Variants in CDKAL1 observed in about 807,000 individuals in gnomAD.
The protein encoded by CDKAL1 is threonylcarbamoyladenosine tRNA methylthiotransferase.
Under a neutral mutation model 68.2 loss-of-function variants are expected in CDKAL1, and 32 were observed. The ratio of observed to expected loss-of-function variants is 0.47; its 90% CI spans 0.35 to 0.63. CDKAL1 has a LOEUF of 0.63. CDKAL1 is among the 30% of genes least tolerant of loss of function. CDKAL1 has a pLI of 0.00. For synonymous variants in CDKAL1, 234 were observed against 244.3 expected, an observed-to-expected ratio of 0.96 and a Z score of 0.39; for missense variants, 606 against 696.7, an observed-to-expected ratio of 0.87 and a Z score of 1.47.
At chr6:21,130,072 T>TG (rs769136166) in intron 13 of CDKAL1, among the ~76,000 whole-genome samples, 5 of 152,090 alleles carry the variant, frequency 3.3e-5, no homozygotes, top group African/African-American at 4.8e-5. Context: ...TTGTTGGTTT[T>TG]GGGGGGTTTT....
At chr6:21,131,880 A>G (rs1775338937) in intron 13 of CDKAL1, among the ~76,000 whole-genome samples, 1 of 152,186 alleles carries the variant, frequency 6.6e-6, no homozygotes. Flanking sequence ...CCACTTTGTG[A>G]TTCTTTAAAT....
At chr6:20,935,813 TC>T (rs1183450363) in intron 9 of CDKAL1, among the ~76,000 whole-genome samples, 1 of 152,066 alleles carries the variant, frequency 6.6e-6, no homozygotes, top group Middle Eastern at 3.2e-3. Context: ...CAAGCGATCC[TC>T]CCCCTTTGGC....
intron 13 of CDKAL1, among the ~76,000 whole-genome samples, chr6:21,133,612 T>C (rs1775436162): frequency 1.3e-5 from 2 of 152,254 alleles, no homozygotes; most frequent in South Asian, 4.1e-4. Flanking sequence ...TCTGATAGGC[T>C]GCATTAATCA....
intron 5 of CDKAL1, among the ~76,000 whole-genome samples, chr6:20,692,986 C>T (rs755077931): frequency 1.1e-4 from 17 of 151,774 alleles, no homozygotes; most frequent in African/African-American, 2.4e-4. Flanking sequence ...AAAAATTAGC[C>T]GGGCATGGTG....
At chr6:20,829,126 A>G (rs1777613366) in intron 8 of CDKAL1, among the ~76,000 whole-genome samples, 1 of 152,196 alleles carries the variant, frequency 6.6e-6, no homozygotes, top group South Asian at 2.1e-4. Context: ...TATTGAGAAT[A>G]ATGTTTGCTG....
intron 6 of CDKAL1, among the ~76,000 whole-genome samples, chr6:20,748,557 A>G (rs1347544608): frequency 6.3e-3 from 41 of 6,498 alleles, no homozygotes; most frequent in African/African-American, 0.015. Context: ...TGTTTCTGGA[A>G]AAAAAAAAAA....
At chr6:20,594,949 T>A (rs1437492310) in intron 4 of CDKAL1, among the ~76,000 whole-genome samples, 2 of 152,188 alleles carry the variant, frequency 1.3e-5, no homozygotes, top group African/African-American at 4.8e-5. Context: ...TGGCTGGATA[T>A]GAAATTCTGG....
intron 12 of CDKAL1, among the ~76,000 whole-genome samples, chr6:21,098,440 TG>T (rs1227104764): frequency 6.6e-6 from 1 of 151,458 alleles, no homozygotes; most frequent in East Asian, 1.9e-4. Context: ...ATTTAGAGCC[TG>T]GAGGGAAAAG....
At chr6:21,221,109 G>C (rs1175185659) in intron 15 of CDKAL1, among the ~76,000 whole-genome samples, 2 of 152,096 alleles carry the variant, frequency 1.3e-5, no homozygotes, top group Admixed American at 1.3e-4. Context: ...GGAGGTTGCA[G>C]TGAGCCAAGA....
At chr6:20,555,427 TCTC>T (rs1338995627) in intron 4 of CDKAL1, among the ~76,000 whole-genome samples, 2 of 151,896 alleles carry the variant, frequency 1.3e-5, no homozygotes, top group Non-Finnish European at 2.9e-5. Flanking sequence ...TTCAAGCAAT[TCTC>T]CTGCCTCAGC....
intron 5 of CDKAL1, among the ~76,000 whole-genome samples, chr6:20,737,123 C>T (rs9465874): frequency 0.3 from 45,032 of 152,068 alleles, 7,757 homozygotes; most frequent in Non-Finnish European, 0.4. Flanking sequence ...TTTGTTCATG[C>T]TCTAACAACT....
chr6:21,055,979 T>G (rs1030847499), intron 11 of CDKAL1, among the ~76,000 whole-genome samples: 8 of 152,090 alleles, frequency 5.3e-5, no homozygotes, highest in African/African-American at 1.7e-4. Context: ...CTAATTTACA[T>G]CCCCACCAAC....
intron 7 of CDKAL1, among the ~76,000 whole-genome samples, chr6:20,776,491 G>T (rs1775175641): frequency 6.6e-6 from 1 of 152,204 alleles, no homozygotes; most frequent in Non-Finnish European, 1.5e-5. Context: ...ACTTTTGGTT[G>T]TGAAAAGTTG....
At chr6:20,756,803 ATTTCCTTCCTTCCTTCCT>A (rs1262077349) in intron 6 of CDKAL1, 1 of 98,730 alleles carries the variant, frequency 1.0e-5, no homozygotes, top group Non-Finnish European at 2.2e-5. Context: ...GAGAATTACC[ATTTCCTTCCTTCCTTCCT>A]TCCTTCCTTC....
At chr6:21,168,835 A>G (rs970585787) in intron 13 of CDKAL1, among the ~76,000 whole-genome samples, 25 of 152,174 alleles carry the variant, frequency 1.6e-4, no homozygotes. Flanking sequence ...TTTAATTCGC[A>G]TCTATCTCTG....
intron 4 of CDKAL1, among the ~76,000 whole-genome samples, chr6:20,599,723 T>C (rs1288453958): frequency 1.3e-5 from 2 of 152,158 alleles, no homozygotes; most frequent in East Asian, 1.9e-4. Context: ...GCATATTGGA[T>C]CTAGACCTAT....
chr6:20,758,741 T>A, intron 7 of CDKAL1, 98 bp downstream of exon 7: 1 of 869,368 alleles, frequency 1.2e-6, no homozygotes, highest in Non-Finnish European at 1.8e-6. Context: ...TTTATAAAAG[T>A]TATTGTTTTA....
At chr6:20,537,703 T>A (rs1159369327) in intron 2 of CDKAL1, among the ~76,000 whole-genome samples, 1 of 152,172 alleles carries the variant, frequency 6.6e-6, no homozygotes, top group African/African-American at 2.4e-5. Flanking sequence ...TCCTATCATT[T>A]TGAGTATTTT....
At chr6:20,870,165 C>A (rs1760131072) in intron 9 of CDKAL1, among the ~76,000 whole-genome samples, 1 of 152,116 alleles carries the variant, frequency 6.6e-6, no homozygotes, top group African/African-American at 2.4e-5. Context: ...CCTGTGATGC[C>A]CTTGAGGTCA....
Sources: allele counts gnomAD v4.1 joint callset (sites outside exome capture counted in the v4.1 genomes callset), GRCh38; gene constraint gnomAD v4.1.1; transcripts MANE v1.5; gene names NCBI Gene and HGNC (gene_info 2026-07-23, HGNC 2026-07-21).